Variants in SLC39A11 observed in about 807,000 individuals in gnomAD.
SLC39A11 encodes solute carrier family 39 member 11, also known as zinc transporter ZIP11.
Under a neutral mutation model 36.1 loss-of-function variants are expected in SLC39A11, and 33 were observed. The ratio of observed to expected loss-of-function variants is 0.91; its 90% CI spans 0.69 to 1.22. The LOEUF (loss-of-function observed/expected upper bound fraction) is 1.22, where lower values mean the gene tolerates loss of function less well. Among genes scored for constraint, SLC39A11 ranks in the 50% most tolerant of loss-of-function variants. The probability of loss-of-function intolerance (pLI) is 0.00; values close to 1 mark genes in which losing one functional copy is unlikely to be tolerated. For synonymous variants in SLC39A11, 166 were observed against 170.3 expected (o/e 0.97, Z 0.20); for missense variants, 432 against 430.3 (o/e 1.00, Z -0.03).
At chr17:73,037,286 T>A (rs61126101) in intron 3 of SLC39A11, among the ~76,000 whole-genome samples, 3,013 of 152,324 alleles carry the variant, frequency 0.02, 113 homozygotes, top group African/African-American at 0.068. Flanking sequence ...TAAGCATCAC[T>A]TTTTAAATAA....
At chr17:73,041,772 C>T (rs184624314) in intron 3 of SLC39A11, among the ~76,000 whole-genome samples, 68 of 152,358 alleles carry the variant, frequency 4.5e-4, no homozygotes, top group African/African-American at 1.3e-3. Context: ...AAATCACAGC[C>T]TTAACAGCAG....
chr17:72,681,900 G>A (rs541909422), intron 7 of SLC39A11, among the ~76,000 whole-genome samples: 2 of 152,080 alleles, frequency 1.3e-5, no homozygotes, highest in Non-Finnish European at 2.9e-5. Context: ...CCAGCCCCTC[G>A]GCCACAGACC....
chr17:73,001,419 G>A (rs912314549), intron 4 of SLC39A11, among the ~76,000 whole-genome samples: 1 of 107,216 alleles, frequency 9.3e-6, no homozygotes, highest in Non-Finnish European at 1.8e-5. Flanking sequence ...GTTGTGGGGT[G>A]GGGGGAGGGG....
At chr17:72,847,311 G>A (rs898663584) in intron 6 of SLC39A11, among the ~76,000 whole-genome samples, 1 of 151,966 alleles carries the variant, frequency 6.6e-6, no homozygotes, top group Non-Finnish European at 1.5e-5. Context: ...GCCGAGACAG[G>A]AGAATTGCTT....
chr17:72,747,384 T>A (rs928114961), intron 6 of SLC39A11, among the ~76,000 whole-genome samples: 4 of 152,150 alleles, frequency 2.6e-5, no homozygotes, highest in African/African-American at 9.7e-5. Flanking sequence ...ACTCCTGACC[T>A]CAGGTGATCT....
chr17:72,864,546 G>A (rs752248082), intron 5 of SLC39A11, among the ~76,000 whole-genome samples: 1 of 152,226 alleles, frequency 6.6e-6, no homozygotes, highest in East Asian at 1.9e-4. Flanking sequence ...CTAACATAAC[G>A]ATTCTGAACA....
intron 6 of SLC39A11, among the ~76,000 whole-genome samples, chr17:72,840,279 C>T (rs2078744836): frequency 6.6e-6 from 1 of 152,222 alleles, no homozygotes; most frequent in South Asian, 2.1e-4. Context: ...GTCATAGCAA[C>T]AACCAGCAAA....
At chr17:72,790,987 G>A (rs946084429) in intron 6 of SLC39A11, among the ~76,000 whole-genome samples, 1 of 152,216 alleles carries the variant, frequency 6.6e-6, no homozygotes, top group Non-Finnish European at 1.5e-5. Context: ...TCCCTCACCT[G>A]CAGATATTTA....
intron 4 of SLC39A11, 149 bp from the exon 5 acceptor site, chr17:72,948,024 C>T: frequency 7.7e-6 from 7 of 914,340 alleles, no homozygotes; most frequent in Non-Finnish European, 1.2e-5. Context: ...GTTGCCAGGC[C>T]ATGCTGGGTC....
intron 6 of SLC39A11, among the ~76,000 whole-genome samples, chr17:72,773,344 C>T (rs534774526): frequency 5.3e-5 from 8 of 152,212 alleles, no homozygotes; most frequent in East Asian, 3.9e-4. Context: ...GTTGTGGGAG[C>T]GACCTGGTGG....
At chr17:72,942,599 T>TG (rs1253565483) in intron 5 of SLC39A11, among the ~76,000 whole-genome samples, 1 of 152,172 alleles carries the variant, frequency 6.6e-6, no homozygotes, top group Non-Finnish European at 1.5e-5. Context: ...AAAAGGAACA[T>TG]GTCCTTCAGG....
At chr17:72,852,796 G>A (rs2079428133) in intron 5 of SLC39A11, among the ~76,000 whole-genome samples, 1 of 152,180 alleles carries the variant, frequency 6.6e-6, no homozygotes, top group African/African-American at 2.4e-5. Context: ...GGGATTTCAA[G>A]CTCACAAATG....
At chr17:72,836,760 G>C (rs907896682) in intron 6 of SLC39A11, among the ~76,000 whole-genome samples, 2 of 152,094 alleles carry the variant, frequency 1.3e-5, no homozygotes, top group Non-Finnish European at 2.9e-5. Flanking sequence ...AAAGGCCCCC[G>C]TAAGTGGCAG....
intron 3 of SLC39A11, among the ~76,000 whole-genome samples, chr17:73,076,935 T>C (rs1325745051): frequency 6.6e-6 from 1 of 152,040 alleles, no homozygotes; most frequent in Non-Finnish European, 1.5e-5. Flanking sequence ...GTAGTTGTGA[T>C]GCCTCGTGCC....
At chr17:72,716,980 A>AT (rs1555646773) in intron 7 of SLC39A11, among the ~76,000 whole-genome samples, 2,457 of 130,228 alleles carry the variant, frequency 0.019, 28 homozygotes, top group Non-Finnish European at 0.025. Context: ...AAAAAAAAAA[A>AT]ATATATATAT....
intron 6 of SLC39A11, among the ~76,000 whole-genome samples, chr17:72,757,509 G>A (rs780212998): frequency 1.3e-5 from 2 of 152,120 alleles, no homozygotes; most frequent in African/African-American, 2.4e-5. Context: ...GCCTATGGTC[G>A]AGAGGACAGT....
At chr17:72,739,869 ATAACTT>A (rs1430785108) in intron 6 of SLC39A11, among the ~76,000 whole-genome samples, 2 of 152,178 alleles carry the variant, frequency 1.3e-5, no homozygotes, top group South Asian at 2.1e-4. Context: ...AAACCCACAT[ATAACTT>A]TAAACTCCCC....
chr17:73,082,876 C>A (rs926369071), intron 3 of SLC39A11, among the ~76,000 whole-genome samples: 1 of 151,758 alleles, frequency 6.6e-6, no homozygotes, highest in Non-Finnish European at 1.5e-5. Context: ...ATTAGCCAGG[C>A]GTGGTGGTGC....
intron 5 of SLC39A11, among the ~76,000 whole-genome samples, chr17:72,923,069 C>T (rs1261326801): frequency 1.3e-5 from 2 of 148,188 alleles, no homozygotes; most frequent in African/African-American, 4.9e-5. Context: ...GTGATTTTAT[C>T]TTATCAGTCA....
Sources: allele counts gnomAD v4.1 joint callset (sites outside exome capture counted in the v4.1 genomes callset), GRCh38; gene constraint gnomAD v4.1.1; transcripts MANE v1.5; gene names NCBI Gene and HGNC (gene_info 2026-07-23, HGNC 2026-07-21).